The following SLC13A1 variants were observed in gnomAD, a reference collection of about 807,000 sequenced individuals.
SLC13A1 encodes the protein solute carrier family 13 member 1, also known as Na(+)/sulfate cotransporter.
SLC13A1 carries 65 observed loss-of-function variants against 70.0 expected under a neutral mutation model. The observed-to-expected ratio is 0.93, with a 90% CI of 0.76 to 1.14. SLC13A1 has a LOEUF of 1.14. Ranked by LOEUF, SLC13A1 falls within the 50% of genes most tolerant of loss-of-function variation. The pLI is 0.00. For synonymous variants in SLC13A1, 275 were observed against 250.5 expected, an observed-to-expected ratio of 1.10 and a Z score of -0.92; for missense variants, 726 against 717.8, an observed-to-expected ratio of 1.01 and a Z score of -0.13.
intron 2 of SLC13A1, among the ~76,000 whole-genome samples, chr7:123,179,187 T>C (rs189376532): frequency 1.8e-3 from 272 of 152,220 alleles, no homozygotes; most frequent in Non-Finnish European, 3.1e-3. Flanking sequence ...TGAAAAAAAC[T>C]AAGGTTTATT....
At chr7:123,198,545 C>G (rs954257062) in intron 1 of SLC13A1, among the ~76,000 whole-genome samples, 2 of 151,962 alleles carry the variant, frequency 1.3e-5, no homozygotes, top group Middle Eastern at 3.2e-3. Flanking sequence ...AAGATTGCAC[C>G]TGGTGGGAGA....
At chr7:123,194,144 A>G (rs916308148) in intron 1 of SLC13A1, among the ~76,000 whole-genome samples, 1 of 152,098 alleles carries the variant, frequency 6.6e-6, no homozygotes, top group African/African-American at 2.4e-5. Flanking sequence ...CACAAAGATA[A>G]AGCAAAACGG....
chr7:123,151,090 G>C (rs1292338678), intron 6 of SLC13A1, among the ~76,000 whole-genome samples: 2 of 151,932 alleles, frequency 1.3e-5, no homozygotes, highest in African/African-American at 4.8e-5. Flanking sequence ...TTGGGAAGCC[G>C]AGGCAGGTGG....
chr7:123,139,215 AGTTCACTGTAGGTGTATG>A (rs1301354556), intron 7 of SLC13A1, among the ~76,000 whole-genome samples: 2 of 152,122 alleles, frequency 1.3e-5, no homozygotes, highest in African/African-American at 4.8e-5. Context: ...GTCGAAAATG[AGTTCACTGTAGGTGTATG>A]GATTTGCTTC....
In SLC13A1 at chr7:123,123,168, G is replaced by C; in HGVS notation, c.1308C>G (p.Ala436=). 6.2e-7 allele frequency: 1 copy of C among 1,613,508 alleles called. No individual in the cohort carries two copies. Among genetic ancestry groups the C allele is most frequent in the Non-Finnish European group, 8.5e-7 (1 of 1,179,596 alleles). The change falls in exon 12 of 15, where the codon GCC becomes GCG. Residue 436 remains alanine, a synonymous_variant. Transcript: ENST00000194130. The part of the protein sequence containing the change: ...EFQSFMPWDI[A]ILVGGGFALA... ...GGGCAAACCCTCCACCAACAAGAAT[G>C]GCTATATCCCAGGGCATGAATGACT...
At chr7:123,186,896 A>G in intron 1 of SLC13A1, 1 of 288,252 alleles carries the variant, frequency 3.5e-6, no homozygotes, top group South Asian at 3.0e-5. Flanking sequence ...GTAAAGATTT[A>G]CAGTTATGAC....
At chr7:123,128,492 G>A (rs1793640497) in intron 10 of SLC13A1, among the ~76,000 whole-genome samples, 1 of 150,952 alleles carries the variant, frequency 6.6e-6, no homozygotes, top group African/African-American at 2.5e-5. Flanking sequence ...CCCAAGCAGT[G>A]TGGCTCTGAA....
intron 1 of SLC13A1, among the ~76,000 whole-genome samples, chr7:123,194,995 C>T (rs1447154117): frequency 6.6e-6 from 1 of 152,092 alleles, no homozygotes; most frequent in Non-Finnish European, 1.5e-5. Flanking sequence ...TAGGTACAAC[C>T]TACTTTTGCC....
chr7:123,119,083 A>C lies in SLC13A1; in HGVS notation c.1510T>G (p.Leu504Val). The C allele has an allele frequency of 6.2e-7, 1 of 1,611,504 alleles. No homozygotes were observed. Among genetic ancestry groups the C allele is most frequent in the Non-Finnish European group, 8.5e-7 (1 of 1,178,494 alleles). The change falls in exon 13 of 15, where the codon TTG becomes GTG. Residue 504 changes from leucine (L) to valine (V), a missense_variant and splice_region_variant. Transcript: ENST00000194130. ...ITLFLPILSP[L>V]AEAIHVNPLY... ...AAGGGGATAAATGAGATACTCACCA[A>C]TGGAGATAATATTGGGAGAAAGAGT... is the stretch of plus-strand genomic sequence containing the variant.
chr7:123,191,320 T>C (rs188968680), intron 1 of SLC13A1, among the ~76,000 whole-genome samples: 6 of 152,298 alleles, frequency 3.9e-5, no homozygotes, highest in African/African-American at 1.4e-4. Flanking sequence ...CTTTCTGTCC[T>C]TCACAGGTTT....
At chr7:123,181,471 C>A (rs1020423553) in intron 1 of SLC13A1, among the ~76,000 whole-genome samples, 15 of 152,116 alleles carry the variant, frequency 9.9e-5, no homozygotes, top group African/African-American at 3.6e-4. Flanking sequence ...AGCCAAGTTA[C>A]AGCCTTTCCC....
At chr7:123,189,746 A>T (rs1795936718) in intron 1 of SLC13A1, among the ~76,000 whole-genome samples, 1 of 152,004 alleles carries the variant, frequency 6.6e-6, no homozygotes, top group Admixed American at 6.5e-5. Context: ...TGTTTTCATT[A>T]TTATTGAAAT....
At chr7:123,155,877 A>G (rs1344653625) in intron 6 of SLC13A1, among the ~76,000 whole-genome samples, 1 of 152,044 alleles carries the variant, frequency 6.6e-6, no homozygotes, top group Non-Finnish European at 1.5e-5. Flanking sequence ...CTTGTAAGCT[A>G]TCGCTCAGTA....
chr7:123,119,179 G>C lies in SLC13A1; in HGVS notation c.1414C>G (p.Leu472Val), dbSNP rs764129331. 4.8e-5 allele frequency: 78 copies of C among 1,612,444 alleles called. No homozygotes were observed. The highest frequency in any genetic ancestry group is 8.3e-5 in the Admixed American group (5 of 59,884). Residue 472 changes from leucine to valine, a missense_variant, in exon 13 of 15, where the codon CTA (leucine) becomes GTA (valine). By Grantham distance (32) the Leu-to-Val change is conservative (BLOSUM62 1). Coordinates refer to ENST00000194130, the MANE Select transcript of SLC13A1 (RefSeq NM_022444.4). The stretch of plus-strand genomic sequence containing the variant: ...ATCAAAGAAGATATCAGAATTATTA[G>C]CCATGCTGGTAATGAACCCAGAGGA... ...LSPLGSLPAW[L>V]IILISSLMVT... is the part of the protein sequence containing the mutation.
intron 1 of SLC13A1, among the ~76,000 whole-genome samples, chr7:123,193,424 CT>C (rs1286049177): frequency 6.6e-6 from 1 of 152,144 alleles, no homozygotes. Context: ...GTTCCAAAAT[CT>C]CAGCAGTCTA....
chr7:123,116,972 G>A (rs1793200284), intron 14 of SLC13A1, among the ~76,000 whole-genome samples: 1 of 152,132 alleles, frequency 6.6e-6, no homozygotes, highest in Non-Finnish European at 1.5e-5. Flanking sequence ...TTGTTTGCTT[G>A]TGTTTTCACG....
At chr7:123,191,792 C>T (rs1044211873) in intron 1 of SLC13A1, among the ~76,000 whole-genome samples, 6 of 152,066 alleles carry the variant, frequency 3.9e-5, no homozygotes, top group Admixed American at 1.3e-4. Flanking sequence ...ACACTGCTAG[C>T]GTGTGGTAGA....
At chr7:123,121,735 T>G (rs940314010) in intron 12 of SLC13A1, among the ~76,000 whole-genome samples, 1 of 152,070 alleles carries the variant, frequency 6.6e-6, no homozygotes, top group Admixed American at 6.6e-5. Context: ...TGCAATGAGG[T>G]GAATTCCATA....
intron 10 of SLC13A1, among the ~76,000 whole-genome samples, chr7:123,127,742 C>G (rs889159729): frequency 2.0e-5 from 3 of 151,512 alleles, no homozygotes; most frequent in Admixed American, 2.0e-4. Context: ...GCCTATAAAA[C>G]CAGAAGGTTC....
Sources: allele counts gnomAD v4.1 joint callset (sites outside exome capture counted in the v4.1 genomes callset), GRCh38; gene constraint gnomAD v4.1.1; transcripts MANE v1.5; gene names NCBI Gene and HGNC (gene_info 2026-07-23, HGNC 2026-07-21).